PABPC5: variants seen among roughly 807,000 people sequenced by gnomAD.
PABPC5 encodes polyadenylate-binding protein 5.
A neutral mutation model predicts 12.6 loss-of-function variants in PABPC5; 6 were observed. The observed-to-expected ratio is 0.48, with a 90% confidence interval of 0.26 to 0.94. The LOEUF (loss-of-function observed/expected upper bound fraction) is 0.94, where lower values mean the gene tolerates loss of function less well. Ranked by LOEUF, PABPC5 falls within the 40% of genes least tolerant of loss-of-function variation. The probability of loss-of-function intolerance (pLI) is 0.14; values close to 1 mark genes in which losing one functional copy is unlikely to be tolerated. For synonymous variants in PABPC5, 124 were observed against 118.4 expected, an observed-to-expected ratio of 1.05 and a Z score of -0.31; for missense variants, 244 against 302.8, an observed-to-expected ratio of 0.81 and a Z score of 1.44.
At position 91,435,551 on chromosome X, in the gene PABPC5, G is replaced by C. The variant is rs757067163; in HGVS notation, c.-27G>C. On this transcript the variant is annotated 5_prime_UTR_variant, in exon 2 of 2. Coordinates refer to ENST00000312600, the MANE Select transcript of PABPC5 (RefSeq NM_080832.3). ...GAAAGCAGCCTTTTTTCTCTTCAAA[G>C]AGAACCTCCTCCCAGTGCTCAGAGA... The C allele has an allele frequency of 2.6e-6, 3 of 1,161,144 alleles. No homozygotes were observed. The highest frequency in any genetic ancestry group is 3.4e-6 in the Non-Finnish European group (3 of 870,919).
In PABPC5 at chrX:91,437,922, C is replaced by T. The variant is rs1412797260; in HGVS notation, c.*1196C>T. On this transcript the variant is annotated 3_prime_UTR_variant, in exon 2 of 2. Coordinates refer to ENST00000312600, the MANE Select transcript of PABPC5 (RefSeq NM_080832.3). ...CTGTAATTTCTAAATTGGAGATTCT[C>T]TACATTTCACTTGCAGTTTCCTGTT... 8.2e-6 allele frequency: 1 copy of T among 121,668 alleles called. No individual in the cohort carries two copies. The highest frequency in any genetic ancestry group is 1.9e-5 in the Non-Finnish European group (1 of 52,763). The allele number at this position is 121,668 out of a possible 1,213,427, so 10.0% of individuals were successfully genotyped here.
chrX:91,435,718 C>T lies in PABPC5; in HGVS notation c.141C>T (p.Thr47=). 1 of 1,211,248 alleles carries T rather than the reference C, an allele frequency of 8.3e-7. No individual in the cohort carries two copies. The part of the protein sequence containing the change: ...KFRPAGPLRF[T]RICRDPVTRS... ...GGCCTGCTGGCCCTCTGCGATTCAC[C>T]CGAATCTGCCGTGATCCGGTGACCC... Residue 47 remains threonine, a synonymous_variant, in exon 2 of 2, where the codon ACC becomes ACT. Coordinates refer to ENST00000312600, the MANE Select transcript of PABPC5 (RefSeq NM_080832.3).
rs190034364 is a variant in PABPC5 at position 91,437,560 on chromosome X, G to A, written c.*834G>A. The A allele has an allele frequency of 4.9e-5, 6 of 123,190 alleles. No homozygotes were observed. Among genetic ancestry groups the A allele is most frequent in the East Asian group, 5.6e-4 (2 of 3,561 alleles). 10.2% of individuals were successfully genotyped at this position (123,190 alleles called of 1,213,427 possible). ...ATTAACAAGAAAGATGAATAACTGCGCTGAATTGCCTTTACCTATAAATAA... is the reference window on the plus strand; with the variant it reads ...ATTAACAAGAAAGATGAATAACTGCACTGAATTGCCTTTACCTATAAATAA... On this transcript the variant is annotated 3_prime_UTR_variant, in exon 2 of 2. Coordinates refer to ENST00000312600, the MANE Select transcript of PABPC5 (RefSeq NM_080832.3).
chrX:91,436,365 C>G lies in PABPC5; in HGVS notation c.788C>G (p.Ser263Cys). Residue 263 changes from serine (S) to cysteine (C), a missense_variant, in exon 2 of 2, where the codon TCC becomes TGC. Physicochemically the swap from Ser to Cys is moderately radical, Grantham distance 112. Coordinates refer to ENST00000312600, the MANE Select transcript of PABPC5 (RefSeq NM_080832.3). ...GCTGTGCTAGACTTGCATGGAAAGT[C>G]CATCGATGGAAAAGTCCTCTATGTA... ...QKAVLDLHGK[S>C]IDGKVLYVGR... 8.3e-7 allele frequency: 1 copy of G among 1,211,370 alleles called. No individual in the cohort carries two copies. Among genetic ancestry groups the G allele is most frequent in the Non-Finnish European group, 1.1e-6 (1 of 895,488 alleles).
rs1931624564 is a variant in PABPC5, at chrX:91,437,602, C to G, written c.*876C>G. 8.1e-6 allele frequency: 1 copy of G among 123,061 alleles called. No individual in the cohort carries two copies. Among genetic ancestry groups the G allele is most frequent in the Non-Finnish European group, 1.9e-5 (1 of 53,107 alleles). The allele number at this position is 123,061 out of a possible 1,213,427, so 10.1% of individuals were successfully genotyped here. A position where few individuals can be genotyped will look rare whatever the true frequency, so the allele number is the denominator to read the frequency against. On this transcript the variant is annotated 3_prime_UTR_variant, in exon 2 of 2. Coordinates refer to ENST00000312600, the MANE Select transcript of PABPC5 (RefSeq NM_080832.3). ...TATAAATAATTTAATATTTTACCTT[C>G]GGGTTTTATCAACTGTCAATATAAA...
rs761002988 is a variant in PABPC5 at position 91,436,470 on chromosome X, G to T, written c.893G>T (p.Arg298Leu). 2 of 1,209,952 alleles carry T rather than the reference G, an allele frequency of 1.7e-6. No individual in the cohort carries two copies. The highest frequency in any genetic ancestry group is 4.4e-5 in the Admixed American group (2 of 45,784). The change falls in exon 2 of 2, where the codon CGG (arginine) becomes CTG (leucine). Residue 298 changes from arginine (R) to leucine (L), a missense_variant. Physicochemically the swap from Arg to Leu is moderately radical, Grantham distance 102 (BLOSUM62 -2). Around this residue, in one of 3 missense-constraint regions of PABPC5, gnomAD observed 211 missense variants for 261.5 expected, o/e 0.81. Transcript: ENST00000312600. ...FERLRLKEKS[R>L]PPGVPIYIKN... is the part of the protein sequence containing the mutation. ...CGGCTGAGGTTAAAAGAAAAAAGTC[G>T]GCCCCCAGGGGTGCCTATCTATATT...
In PABPC5 at chrX:91,436,340, G is replaced by T. The variant is rs757910653; in HGVS notation, c.763G>T (p.Ala255Ser). 8.3e-7 allele frequency: 1 copy of T among 1,211,808 alleles called. No individual in the cohort carries two copies. The highest frequency in any genetic ancestry group is 1.8e-5 in the South Asian group (1 of 57,012). ...TGAGACACACGAGGCTGCCCAAAAG[G>T]CTGTGCTAGACTTGCATGGAAAGTC... Reference protein sequence around the residue: ...RYETHEAAQKAVLDLHGKSID... With the variant: ...RYETHEAAQKSVLDLHGKSID... Residue 255 changes from alanine to serine, a missense_variant, in exon 2 of 2, where the codon GCT becomes TCT. Coordinates refer to ENST00000312600, the MANE Select transcript of PABPC5 (RefSeq NM_080832.3).
In PABPC5 at chrX:91,435,735, C is replaced by T. The variant is rs1446595654; in HGVS notation, c.158C>T (p.Pro53Leu). Residue 53 changes from proline (P) to leucine (L), a missense_variant, in exon 2 of 2, where the codon CCG (proline) becomes CTG (leucine). This residue lies in a region of PABPC5 where 211 missense variants were observed against 261.5 expected (regional missense o/e 0.81). Transcript: ENST00000312600. ...CGATTCACCCGAATCTGCCGTGATC[C>T]GGTGACCCGCAGCCCCCTGGGCTAT... Reference protein sequence around the residue: ...PLRFTRICRDPVTRSPLGYGY... With the variant: ...PLRFTRICRDLVTRSPLGYGY... The T allele has an allele frequency of 8.3e-7, 1 of 1,211,305 alleles. No individual in the cohort carries two copies. Among genetic ancestry groups the T allele is most frequent in the Non-Finnish European group, 1.1e-6 (1 of 895,332 alleles).
At position 91,437,699 on chromosome X, in the gene PABPC5, G is replaced by A. The variant is rs1028247612; in HGVS notation, c.*973G>A. On this transcript the variant is annotated 3_prime_UTR_variant, in exon 2 of 2. Transcript: ENST00000312600. Reference sequence around the variant, plus strand: ...CCTTCTATTAAACTTGTTATCTCTTGTAAATTATTGTGTGTGTCCTTTTGA... The same window carrying A: ...CCTTCTATTAAACTTGTTATCTCTTATAAATTATTGTGTGTGTCCTTTTGA... 4.1e-5 allele frequency: 5 copies of A among 122,598 alleles called. No individual in the cohort carries two copies. Among genetic ancestry groups the A allele is most frequent in the Non-Finnish European group, 9.4e-5 (5 of 53,022 alleles). The allele number at this position is 122,598 out of a possible 1,213,427, so 10.1% of individuals were successfully genotyped here.
chrX:91,437,088 CTA>C lies in PABPC5; in HGVS notation c.*364_*365del, dbSNP rs780535495. The C allele has an allele frequency of 3.2e-3, 518 of 162,739 alleles. 4 individuals carry two copies. Among genetic ancestry groups the C allele is most frequent in the African/African-American group, 0.015 (485 of 32,111 alleles). 13.4% of individuals were successfully genotyped at this position (162,739 alleles called of 1,213,427 possible). On this transcript the variant is annotated 3_prime_UTR_variant, in exon 2 of 2. Coordinates refer to ENST00000312600, the MANE Select transcript of PABPC5 (RefSeq NM_080832.3). ...AAATGTCAACATGGTTCTTCTGAATCTATCACAGTGAAAAGTTCTAACTTGTT... is the reference window on the plus strand; with the variant it reads ...AAATGTCAACATGGTTCTTCTGAATCTCACAGTGAAAAGTTCTAACTTGTT...
At position 91,438,091 on chromosome X, in the gene PABPC5, A is replaced by G. The variant is rs1351706224; in HGVS notation, c.*1365A>G. 1 of 122,960 alleles carries G rather than the reference A, an allele frequency of 8.1e-6. No individual in the cohort carries two copies. Among genetic ancestry groups the G allele is most frequent in the Admixed American group, 9.5e-5 (1 of 10,497 alleles). 10.1% of individuals were successfully genotyped at this position (122,960 alleles called of 1,213,427 possible). On this transcript the variant is annotated 3_prime_UTR_variant, in exon 2 of 2. Transcript: ENST00000312600. The stretch of plus-strand genomic sequence containing the variant: ...AAAATTTAAATAATTACTTTTTTAT[A>G]ATATGATTCACTTATGCCACAGATT...
At chrX:91,435,014 C>G (rs1931571718) in intron 1 of PABPC5, 120 bp downstream of exon 1, 1 of 112,538 alleles carries the variant, frequency 8.9e-6, no homozygotes, top group Admixed American at 9.4e-5. Context: ...TCTTATCGCA[C>G]CAAGTGTCTG....
chrX:91,435,276 T>C (rs1254432206), intron 1 of PABPC5, among the ~76,000 whole-genome samples, 159 bp from the exon 2 acceptor site: 1 of 111,754 alleles, frequency 8.9e-6, no homozygotes, highest in East Asian at 2.8e-4. Context: ...ACAGGAAAAT[T>C]ACGTTTCTGG....
chrX:91,435,359 T>G, intron 1 of PABPC5, 76 bp from the exon 2 acceptor site: 2 of 343,108 alleles, frequency 5.8e-6, no homozygotes, highest in Non-Finnish European at 5.0e-6. Flanking sequence ...AATAGATTCG[T>G]ATTTGGGGCG....
chrX:91,435,739 G>C lies in PABPC5; in HGVS notation c.162G>C (p.Val54=). The C allele has an allele frequency of 8.3e-7, 1 of 1,211,465 alleles. No homozygotes were observed. The highest frequency in any genetic ancestry group is 1.1e-6 in the Non-Finnish European group (1 of 895,383). ...LRFTRICRDP[V]TRSPLGYGYV... ...TCACCCGAATCTGCCGTGATCCGGTGACCCGCAGCCCCCTGGGCTATGGGT... is the reference window on the plus strand; with the variant it reads ...TCACCCGAATCTGCCGTGATCCGGTCACCCGCAGCCCCCTGGGCTATGGGT... The change falls in exon 2 of 2, where the codon GTG becomes GTC. Residue 54 remains valine (V), a synonymous_variant. Coordinates refer to ENST00000312600, the MANE Select transcript of PABPC5 (RefSeq NM_080832.3).
At position 91,438,209 on chromosome X, in the gene PABPC5, T is replaced by C. The variant is rs570024430; in HGVS notation, c.*1483T>C. On this transcript the variant is annotated 3_prime_UTR_variant, in exon 2 of 2. Coordinates refer to ENST00000312600, the MANE Select transcript of PABPC5 (RefSeq NM_080832.3). ...ACATAGTACAATGTAAATATATAAC[T>C]TTGTTAACACTTTTGTTAGCTCTTT... 2.4e-5 allele frequency: 3 copies of C among 123,028 alleles called. No individual in the cohort carries two copies. In the South Asian group the frequency reaches 1.1e-3, roughly 45 times the overall value. 10.1% of individuals were successfully genotyped at this position (123,028 alleles called of 1,213,427 possible).
In PABPC5 at chrX:91,436,819, G is replaced by GA. The variant is rs1931611188; in HGVS notation, c.*93_*94insA. On this transcript the variant is annotated 3_prime_UTR_variant, in exon 2 of 2. Coordinates refer to ENST00000312600, the MANE Select transcript of PABPC5 (RefSeq NM_080832.3). ...GGGGTTATTTTATGCTAATTCACAA[G>GA]TTTTTTTTTGAAGTGAATTCTTTTG... 3.8e-6 allele frequency: 3 copies of GA among 795,183 alleles called. No homozygotes were observed. The highest frequency in any genetic ancestry group is 5.1e-6 in the Non-Finnish European group (3 of 590,759). The allele number at this position is 795,183 out of a possible 1,213,427, so 65.5% of individuals were successfully genotyped here.
rs937648781 is a variant in PABPC5 at position 91,438,057 on chromosome X, A to C, written c.*1331A>C. 4.1e-5 allele frequency: 5 copies of C among 122,540 alleles called. No homozygotes were observed. The highest frequency in any genetic ancestry group is 1.6e-4 in the African/African-American group (5 of 30,725). 10.1% of individuals were successfully genotyped at this position (122,540 alleles called of 1,213,427 possible). On this transcript the variant is annotated 3_prime_UTR_variant, in exon 2 of 2. Transcript: ENST00000312600. ...TCCTTTTAGGAAGAAGAAAATACCT[A>C]ATTTATGTAAAATTTAAATAATTAC...
chrX:91,436,088 A>G lies in PABPC5; in HGVS notation c.511A>G (p.Asn171Asp). ...CTGGCACATGAATGGAGTGCGGCTCAACAACCGCCAGGTGTATGTTGGCAG... is the reference window on the plus strand; with the variant it reads ...CTGGCACATGAATGGAGTGCGGCTCGACAACCGCCAGGTGTATGTTGGCAG... The part of the protein sequence containing the change: ...AIWHMNGVRL[N>D]NRQVYVGRFK... Residue 171 changes from asparagine to aspartate, a missense_variant, in exon 2 of 2, where the codon AAC (asparagine) becomes GAC (aspartate). This residue lies in a region of PABPC5 where 211 missense variants were observed against 261.5 expected (regional missense o/e 0.81). Coordinates refer to ENST00000312600, the MANE Select transcript of PABPC5 (RefSeq NM_080832.3). The G allele has an allele frequency of 8.3e-7, 1 of 1,211,906 alleles. No individual in the cohort carries two copies. The highest frequency in any genetic ancestry group is 1.1e-6 in the Non-Finnish European group (1 of 895,609).
Sources: allele counts gnomAD v4.1 joint callset (sites outside exome capture counted in the v4.1 genomes callset), GRCh38; gene constraint gnomAD v4.1.1; regional missense constraint gnomAD v4.1.1; transcripts MANE v1.5; gene names NCBI Gene and HGNC (gene_info 2026-07-23, HGNC 2026-07-21).